The following SLC27A1 variants were observed in gnomAD, a reference collection of about 807,000 sequenced individuals.
SLC27A1 encodes long-chain fatty acid transport protein 1.
Under a neutral mutation model 62.2 loss-of-function variants are expected in SLC27A1, and 61 were observed. The ratio of observed to expected loss-of-function variants is 0.98; its 90% CI spans 0.80 to 1.21. The LOEUF (loss-of-function observed/expected upper bound fraction) is 1.21. Among genes scored for constraint, SLC27A1 ranks in the 50% most tolerant of loss-of-function variants. SLC27A1 has a pLI of 0.00. For missense variants in SLC27A1, 903 were observed against 932.1 expected (o/e 0.97, Z 0.41); for synonymous variants, 435 against 408.6 (o/e 1.06, Z -0.78).
chr19:17,504,388 G>A (rs2075452136), intron 11 of SLC27A1, 67 bp from the exon 12 acceptor site: 1 of 1,582,550 alleles, frequency 6.3e-7, no homozygotes, highest in East Asian at 2.2e-5. Flanking sequence ...TGCAGGAGAG[G>A]ATATTGAGTT....
In SLC27A1 at chr19:17,502,688, G is replaced by T. The variant is rs550236908; in HGVS notation, c.1783+1269G>T. ...CTTTTCTTTTTCTTTTGTTTTTTTT[G>T]TTTGTTTGTTTGTTTGAGACAGGGT... On this transcript the variant is annotated intron_variant, in intron 11 of 11. Coordinates refer to ENST00000252595, the MANE Select transcript of SLC27A1 (RefSeq NM_198580.3). 1.5e-3 allele frequency among the ~76,000 whole-genome samples: 227 copies of T among 148,788 alleles called. 2 individuals are homozygous for T. The highest frequency in any genetic ancestry group is 3.5e-3 in the Middle Eastern group (1 of 286).
chr19:17,476,161 AT>A (rs895226106), intron 1 of SLC27A1, among the ~76,000 whole-genome samples: 14 of 152,020 alleles, frequency 9.2e-5, no homozygotes, highest in Non-Finnish European at 1.9e-4. Flanking sequence ...TGGATGTAAC[AT>A]TTGTACCCCA....
rs1474647563 is a variant in SLC27A1, at chr19:17,485,347, G to A, written c.168-1216G>A. 2.6e-5 allele frequency among the ~76,000 whole-genome samples: 4 copies of A among 151,352 alleles called. 1 individual carries two copies. Among genetic ancestry groups the A allele is most frequent in the Admixed American group, 2.0e-4 (3 of 15,192 alleles). On this transcript the variant is annotated intron_variant, in intron 1 of 11. Coordinates refer to ENST00000252595, the MANE Select transcript of SLC27A1 (RefSeq NM_198580.3). Reference sequence around the variant, plus strand: ...TGGGATTACAGGCGCCCACCATCACGCCTGGCTAATTTTTGTATTTTTAGT... The same window carrying A: ...TGGGATTACAGGCGCCCACCATCACACCTGGCTAATTTTTGTATTTTTAGT...
At chr19:17,487,605 C>G (rs921453685) in intron 4 of SLC27A1, 76 bp downstream of exon 4, 4 of 1,406,856 alleles carry the variant, frequency 2.8e-6, no homozygotes, top group Non-Finnish European at 3.9e-6. Flanking sequence ...ACCTGCCCCT[C>G]AGCTCCTGTG....
intron 6 of SLC27A1, 35 bp downstream of exon 6, chr19:17,489,152 C>T (rs2075269470): frequency 6.4e-7 from 1 of 1,572,538 alleles, no homozygotes; most frequent in Non-Finnish European, 8.7e-7. Flanking sequence ...AGACCCCGCC[C>T]CTCCCAGCCA....
intron 6 of SLC27A1, chr19:17,496,863 C>T: frequency 5.9e-6 from 1 of 170,818 alleles, no homozygotes; most frequent in Non-Finnish European, 1.3e-5. Flanking sequence ...CCAGCCTGGG[C>T]AACAGAGCGA....
intron 11 of SLC27A1, 100 bp downstream of exon 11, chr19:17,501,519 C>T (rs945341010): frequency 4.9e-5 from 73 of 1,492,136 alleles, no homozygotes; most frequent in African/African-American, 2.8e-4. Context: ...AATACCTGGC[C>T]GGGGCCAGGC....
At chr19:17,484,723 A>C (rs1249488445) in intron 1 of SLC27A1, among the ~76,000 whole-genome samples, 1 of 152,198 alleles carries the variant, frequency 6.6e-6, no homozygotes. Context: ...GGAATGAAAG[A>C]GGGAAAGAAC....
chr19:17,486,009 T>G lies in SLC27A1; in HGVS notation c.168-554T>G, dbSNP rs1761893832. On this transcript the variant is annotated intron_variant, in intron 1 of 11. Coordinates refer to ENST00000252595, the MANE Select transcript of SLC27A1 (RefSeq NM_198580.3). The surrounding 1 kb of genome is among the most constrained non-coding windows in gnomAD (Gnocchi z 6.6). ...GAACTTGGAACCCTCCATCTGGGCT[T>G]GGCATTGGTCCTTACACCCCCCATC... 6.6e-6 allele frequency among the ~76,000 whole-genome samples: 1 copy of G among 152,064 alleles called. No individual in the cohort carries two copies. Among genetic ancestry groups the G allele is most frequent in the African/African-American group, 2.4e-5 (1 of 41,410 alleles).
intron 1 of SLC27A1, among the ~76,000 whole-genome samples, chr19:17,481,070 C>T (rs1298490474): frequency 1.3e-5 from 2 of 151,840 alleles, no homozygotes; most frequent in African/African-American, 4.8e-5. Flanking sequence ...GGATTACAGG[C>T]ATGCGCCACC....
At chr19:17,493,825 C>T (rs977203377) in intron 6 of SLC27A1, among the ~76,000 whole-genome samples, 2 of 151,838 alleles carry the variant, frequency 1.3e-5, no homozygotes, top group Non-Finnish European at 2.9e-5. Context: ...GGGGTTTCAC[C>T]ATGTTGGCCA....
Position 17,505,174 on chromosome 19 carries a change from G to C in SLC27A1, c.*562G>C. The stretch of plus-strand genomic sequence containing the variant: ...CTCCCAGAGTGCTGGGATTATAGGC[G>C]TGAGCCTCTGGCCCGGCCTTTCCTT... On this transcript the variant is annotated 3_prime_UTR_variant, in exon 12 of 12. Coordinates refer to ENST00000252595, the MANE Select transcript of SLC27A1 (RefSeq NM_198580.3). The C allele has an allele frequency of 3.1e-6, 1 of 319,894 alleles. No individual in the cohort carries two copies. The highest frequency in any genetic ancestry group is 2.6e-5 in the South Asian group (1 of 38,292). 19.8% of individuals were successfully genotyped at this position (319,894 alleles called of 1,614,324 possible).
chr19:17,481,178 G>A (rs1371666125), intron 1 of SLC27A1, among the ~76,000 whole-genome samples: 1 of 152,032 alleles, frequency 6.6e-6, no homozygotes, highest in Non-Finnish European at 1.5e-5. Flanking sequence ...ATCCACCTCA[G>A]CCTCCCAAAG....
chr19:17,470,662 G>A lies in SLC27A1; in HGVS notation c.122G>A (p.Trp41Ter). The A allele has an allele frequency of 6.3e-7, 1 of 1,577,898 alleles. No individual in the cohort carries two copies. Among genetic ancestry groups the A allele is most frequent in the African/African-American group, 1.3e-5 (1 of 74,156 alleles). ...GGCGTGTACGTGGGCAGCGGCGGCT[G>A]GCGCTTCCTGCGCATCGTCTGCAAG... ...ALGVYVGSGG[W>*]RFLRIVCKTA... The change falls in exon 1 of 12, where the codon TGG becomes TAG. Residue 41 changes from tryptophan (W) to a stop codon, truncating the protein, a stop_gained. Transcript: ENST00000252595. LOFTEE classifies it high-confidence loss of function.
At position 17,489,025 on chromosome 19, in the gene SLC27A1, G is replaced by A. The variant is rs2075267479; in HGVS notation, c.904G>A (p.Gly302Arg). ...CTCTGCAGGAAACATCATCGGCGTGGGGCAGTGTCTCATCTATGGGCTGAC... is the reference window on the plus strand; with the variant it reads ...CTCTGCAGGAAACATCATCGGCGTGAGGCAGTGTCTCATCTATGGGCTGAC... ...YHSAGNIIGV[G>R]QCLIYGLTVV... Residue 302 changes from glycine (G) to arginine (R), a missense_variant, in exon 6 of 12, where the codon GGG becomes AGG. Physicochemically the swap from Gly to Arg is moderately radical, Grantham distance 125. Coordinates refer to ENST00000252595, the MANE Select transcript of SLC27A1 (RefSeq NM_198580.3). 1.9e-6 allele frequency: 3 copies of A among 1,614,008 alleles called. No homozygotes were observed. The highest frequency in any genetic ancestry group is 2.5e-6 in the Non-Finnish European group (3 of 1,180,022).
upstream of SLC27A1, chr19:17,469,112 T>C (rs941504228): frequency 2.0e-5 from 3 of 152,090 alleles, no homozygotes. Context: ...CTGTAGGTGC[T>C]TCTAGGAAGG....
At position 17,477,179 on chromosome 19, in the gene SLC27A1, A is replaced by G. The variant is rs114072050; in HGVS notation, c.167+6472A>G. On this transcript the variant is annotated intron_variant, in intron 1 of 11. Transcript: ENST00000252595. ...GCTGGGATTACAAGTGTGAGCTACT[A>G]TGTCTAGCTGAGAATGATTATCTTG... is the stretch of plus-strand genomic sequence containing the variant. Among the ~76,000 whole-genome samples the G allele has an allele frequency of 3.1e-3, 436 of 142,060 alleles. 3 individuals carry two copies. The highest frequency in any genetic ancestry group is 0.01 in the African/African-American group (399 of 38,192). 93.2% of individuals were successfully genotyped at this position (142,060 alleles called of 152,430 possible).
Position 17,486,463 on chromosome 19 carries a change from C to T in SLC27A1, c.168-100C>T, listed in dbSNP as rs532207489. The T allele has an allele frequency of 1.0e-5, 14 of 1,385,108 alleles. No individual in the cohort carries two copies. The highest frequency in any genetic ancestry group is 2.9e-5 in the African/African-American group (2 of 69,146). The allele number at this position is 1,385,108 out of a possible 1,614,324, so 85.8% of individuals were successfully genotyped here. The stretch of plus-strand genomic sequence containing the variant: ...GTTTCACCATAGACCTCATCAAAGC[C>T]CCTGGCTGCCCTGGGGTCCTCCAGC... On this transcript the variant is annotated intron_variant, in intron 1 of 11. Transcript: ENST00000252595. This position sits in a 1 kb window ranked among gnomAD's most constrained non-coding sequence, Gnocchi z 6.6.
At chr19:17,471,729 T>G (rs1474519004) in intron 1 of SLC27A1, among the ~76,000 whole-genome samples, 5 of 152,096 alleles carry the variant, frequency 3.3e-5, no homozygotes, top group African/African-American at 4.8e-5. Context: ...CACCGTAAGT[T>G]GACTGGTTCT....
Sources: gnomAD v4.1 joint callset for allele counts (sites outside exome capture counted in the v4.1 genomes callset) on GRCh38, gnomAD v4.1.1 for gene constraint, Gnocchi (gnomAD v3.1) non-coding constraint, MANE v1.5 for transcripts, NCBI Gene and HGNC (gene_info 2026-07-23, HGNC 2026-07-21) for gene names.